Variants in ALK observed in about 807,000 individuals in gnomAD.
ALK encodes the protein ALK tyrosine kinase receptor.
A neutral mutation model predicts 163.1 loss-of-function variants in ALK; 74 were observed. The observed-to-expected ratio is 0.45, with a 90% confidence interval of 0.38 to 0.55. ALK has a LOEUF of 0.55. Among genes scored for constraint, ALK ranks in the 20% least tolerant of loss-of-function variants. ALK has a pLI of 0.00. For synonymous variants in ALK, 960 were observed against 843.2 expected (o/e 1.14, Z -2.40); for missense variants, 2,063 against 2,105.3 (o/e 0.98, Z 0.39).
chr2:29,304,491 T>A (rs1666450928), intron 8 of ALK, among the ~76,000 whole-genome samples: 1 of 66,616 alleles, frequency 1.5e-5, no homozygotes, highest in Admixed American at 1.9e-4. Flanking sequence ...CAAGACTGTG[T>A]CTAAAAAAAA....
intron 4 of ALK, among the ~76,000 whole-genome samples, chr2:29,411,326 T>G (rs1473615499): frequency 6.6e-6 from 1 of 152,182 alleles, no homozygotes; most frequent in Non-Finnish European, 1.5e-5. Context: ...GAGCTGTCAC[T>G]CTTTTCAGAA....
intron 1 of ALK, among the ~76,000 whole-genome samples, chr2:29,764,893 A>AC (rs1158484405): frequency 6.6e-6 from 1 of 152,056 alleles, no homozygotes; most frequent in Non-Finnish European, 1.5e-5. Context: ...TGGAGGTGGG[A>AC]CCTAGTTGGA....
intron 5 of ALK, among the ~76,000 whole-genome samples, chr2:29,357,870 C>T (rs114548389): frequency 0.011 from 1,736 of 152,322 alleles, 23 homozygotes; most frequent in Non-Finnish European, 0.019. Flanking sequence ...ACTATACTCT[C>T]GATTTCAGAG....
intron 2 of ALK, among the ~76,000 whole-genome samples, chr2:29,698,627 A>G (rs1423882888): frequency 2.0e-5 from 3 of 152,208 alleles, no homozygotes; most frequent in African/African-American, 7.2e-5. Context: ...TGTGTATACA[A>G]CAGACAGACA....
At chr2:29,738,649 T>C (rs1679961947) in intron 1 of ALK, among the ~76,000 whole-genome samples, 1 of 152,036 alleles carries the variant, frequency 6.6e-6, no homozygotes, top group African/African-American at 2.4e-5. Context: ...AATGAAGAAC[T>C]GAAATTTCAA....
intron 1 of ALK, among the ~76,000 whole-genome samples, chr2:29,818,945 T>A (rs993698976): frequency 1.3e-5 from 2 of 152,240 alleles, no homozygotes; most frequent in Non-Finnish European, 2.9e-5. Flanking sequence ...GGTTTGCTTT[T>A]TCTTTAATAT....
chr2:29,564,509 C>T (rs547701366), intron 3 of ALK, among the ~76,000 whole-genome samples: 1 of 152,238 alleles, frequency 6.6e-6, no homozygotes, highest in African/African-American at 2.4e-5. Context: ...GGCAAAACGC[C>T]ATCTCCTAGA....
chr2:29,658,767 G>T (rs1235536333), intron 3 of ALK, among the ~76,000 whole-genome samples: 1 of 152,092 alleles, frequency 6.6e-6, no homozygotes, highest in African/African-American at 2.4e-5. Context: ...AATTATGTGT[G>T]CTGCATAATA....
At chr2:29,467,177 G>A (rs1671232834) in intron 4 of ALK, among the ~76,000 whole-genome samples, 1 of 151,418 alleles carries the variant, frequency 6.6e-6, no homozygotes, top group African/African-American at 2.4e-5. Context: ...GGATCATGAG[G>A]ACCAAGAGCC....
chr2:29,441,012 CAACTTG>C (rs934490603), intron 4 of ALK, among the ~76,000 whole-genome samples: 2 of 152,166 alleles, frequency 1.3e-5, no homozygotes, highest in Admixed American at 6.5e-5. Context: ...CTTCAATAGC[CAACTTG>C]GACTTGGACT....
chr2:29,512,071 T>C (rs1672536468), intron 4 of ALK, among the ~76,000 whole-genome samples: 1 of 152,230 alleles, frequency 6.6e-6, no homozygotes, highest in Admixed American at 6.5e-5. Flanking sequence ...TAAATTCCTA[T>C]TGATCAATAT....
chr2:29,306,547 T>C (rs1032683534), intron 8 of ALK, among the ~76,000 whole-genome samples: 1 of 152,246 alleles, frequency 6.6e-6, no homozygotes, highest in Admixed American at 6.5e-5. Context: ...AGAATTTATA[T>C]TTTAACAAGA....
intron 5 of ALK, among the ~76,000 whole-genome samples, chr2:29,375,288 TG>T (rs2148295792): frequency 6.6e-6 from 1 of 151,890 alleles, no homozygotes; most frequent in African/African-American, 2.4e-5. Flanking sequence ...ACTACTGACA[TG>T]TTGTTATCCC....
rs115741684 is a variant in ALK at position 29,515,475 on chromosome 2, A to C, written c.1154+16440T>G. On this transcript the variant is annotated intron_variant, in intron 4 of 28. Transcript: ENST00000389048. ...TAAGTATTTAATGACTGAATGGATG[A>C]ATGAGTGAATGAAGGCAAAGAGATG... Among the ~76,000 whole-genome samples the C allele has an allele frequency of 4.5e-3, 678 of 152,250 alleles. 1 individual carries two copies. Among genetic ancestry groups the C allele is most frequent in the Non-Finnish European group, 7.8e-3 (531 of 68,024 alleles).
At chr2:29,517,301 A>G (rs1429559584) in intron 4 of ALK, among the ~76,000 whole-genome samples, 3 of 152,132 alleles carry the variant, frequency 2.0e-5, no homozygotes, top group Non-Finnish European at 4.4e-5. Flanking sequence ...CATACATCTC[A>G]GAGCTTCAAG....
At chr2:29,701,722 C>T (rs936928892) in intron 2 of ALK, among the ~76,000 whole-genome samples, 3 of 152,132 alleles carry the variant, frequency 2.0e-5, no homozygotes, top group Admixed American at 6.5e-5. Flanking sequence ...CAAGGACTCA[C>T]TGGGGCTGGT....
intron 4 of ALK, among the ~76,000 whole-genome samples, chr2:29,524,903 A>T (rs1672917443): frequency 6.6e-6 from 1 of 151,778 alleles, no homozygotes; most frequent in Non-Finnish European, 1.5e-5. Flanking sequence ...AGATGGATGG[A>T]TGGATAGGTG....
intron 4 of ALK, among the ~76,000 whole-genome samples, chr2:29,405,605 T>C (rs1669562937): frequency 6.6e-6 from 1 of 152,222 alleles, no homozygotes; most frequent in South Asian, 2.1e-4. Context: ...ATTTGGAAGC[T>C]AGCCCTCCTT....
chr2:29,823,765 G>T (rs1231768936), intron 1 of ALK, among the ~76,000 whole-genome samples: 1 of 152,172 alleles, frequency 6.6e-6, no homozygotes, highest in Non-Finnish European at 1.5e-5. Context: ...TCATAAGGAA[G>T]CAGAGCATAA....
Sources: gnomAD v4.1 joint callset for allele counts (sites outside exome capture counted in the v4.1 genomes callset) on GRCh38, gnomAD v4.1.1 for gene constraint, MANE v1.5 for transcripts, NCBI Gene and HGNC (gene_info 2026-07-23, HGNC 2026-07-21) for gene names.